MMP16: variants seen among roughly 807,000 people sequenced by gnomAD.
MMP16 encodes matrix metallopeptidase 16, also known as matrix metalloproteinase-16.
MMP16 carries 12 observed loss-of-function variants against 67.8 expected under a neutral mutation model. The ratio of observed to expected loss-of-function variants is 0.18; its 90% confidence interval spans 0.11 to 0.29. The LOEUF is 0.29. MMP16 is among the 10% of genes least tolerant of loss of function. The pLI is 1.00. For synonymous variants in MMP16, 249 were observed against 255.9 expected, an observed-to-expected ratio of 0.97 and a Z score of 0.26; for missense variants, 475 against 765.7, an observed-to-expected ratio of 0.62 and a Z score of 4.48.
chr8:88,181,059 A>G (rs922729471), intron 3 of MMP16, among the ~76,000 whole-genome samples: 2 of 152,168 alleles, frequency 1.3e-5, no homozygotes, highest in Non-Finnish European at 2.9e-5. Flanking sequence ...AACATCTAGT[A>G]AAGAATCTAC....
rs1554578643 is a variant in MMP16 at position 88,112,666 on chromosome 8, G to GGGGTGTGTGTGTGTGTGTGTGT, written c.1083+3840_1083+3841insACACACACACACACACACACCC. ...AATTTTTCATGCATAAGGACAGAAG[G>GGGGTGTGTGTGTGTGTGTGTGT]GTGTGTGTGTGTGTGTGTCTGTGTG... On this transcript the variant is annotated intron_variant, in intron 6 of 9. Coordinates refer to ENST00000286614, the MANE Select transcript of MMP16 (RefSeq NM_005941.5). Among the ~76,000 whole-genome samples the GGGGTGTGTGTGTGTGTGTGTGT allele has an allele frequency of 1.4e-3, 203 of 146,904 alleles. 1 individual carries two copies. The highest frequency in any genetic ancestry group is 2.4e-3 in the East Asian group (12 of 4,938).
At position 88,054,807 on chromosome 8, in the gene MMP16, G is replaced by A. The variant is rs188279135; in HGVS notation, c.1373+1321C>T. Among the ~76,000 whole-genome samples the A allele has an allele frequency of 1.1e-4, 17 of 152,146 alleles. No homozygotes were observed. The East Asian group carries it at 1.5e-3, about 14-fold the overall frequency. On this transcript the variant is annotated intron_variant, in intron 8 of 9. Transcript: ENST00000286614. ...TTGGAATTAAAAATTGTAAATTTCC[G>A]AATAAACAAAGTTTGTAGCCTTACT...
chr8:88,249,104 T>A (rs753672704), intron 1 of MMP16, among the ~76,000 whole-genome samples: 1 of 151,566 alleles, frequency 6.6e-6, no homozygotes, highest in Non-Finnish European at 1.5e-5. Context: ...CAGAGAGGCA[T>A]AGGGGACACT....
chr8:88,163,873 T>C (rs1563551043), intron 4 of MMP16, among the ~76,000 whole-genome samples: 1 of 152,096 alleles, frequency 6.6e-6, no homozygotes, highest in Non-Finnish European at 1.5e-5. Flanking sequence ...TGTTAACTGT[T>C]TTGCTGATTC....
chr8:88,097,297 T>G (rs1809045011), intron 6 of MMP16, among the ~76,000 whole-genome samples: 1 of 151,868 alleles, frequency 6.6e-6, no homozygotes, highest in South Asian at 2.1e-4. Flanking sequence ...ATCTTTTCTA[T>G]GTACAGATTC....
chr8:88,187,373 C>T, intron 2 of MMP16, among the ~76,000 whole-genome samples: 1 of 152,128 alleles, frequency 6.6e-6, no homozygotes, highest in East Asian at 1.9e-4. Flanking sequence ...GTCACATTTT[C>T]TATCTATTCT....
chr8:88,299,530 C>T (rs547675713), intron 1 of MMP16, among the ~76,000 whole-genome samples: 1 of 152,170 alleles, frequency 6.6e-6, no homozygotes, highest in African/African-American at 2.4e-5. Context: ...AAATACAAAA[C>T]ATAAAAGTGG....
rs149865367 is a variant in MMP16, at chr8:88,252,207, C to T, written c.133-54901G>A. On this transcript the variant is annotated intron_variant, in intron 1 of 9. Transcript: ENST00000286614. The stretch of plus-strand genomic sequence containing the variant: ...GACACATGCACACGTATGTTTATTG[C>T]GGCATTATTCACAATAGCAAAGACT... 9.9e-3 allele frequency among the ~76,000 whole-genome samples: 1,500 copies of T among 151,492 alleles called. 22 individuals carry two copies. Among genetic ancestry groups the T allele is most frequent in the African/African-American group, 0.034 (1,400 of 41,284 alleles).
intron 1 of MMP16, among the ~76,000 whole-genome samples, chr8:88,271,568 A>T (rs1037776483): frequency 1.3e-5 from 2 of 152,144 alleles, no homozygotes; most frequent in African/African-American, 4.8e-5. Context: ...ATCTTGGCTC[A>T]CTGCAACCTC....
At chr8:88,076,860 A>G (rs1278406833) in intron 6 of MMP16, among the ~76,000 whole-genome samples, 4 of 152,128 alleles carry the variant, frequency 2.6e-5, no homozygotes, top group African/African-American at 9.7e-5. Flanking sequence ...TGAAACAGAA[A>G]GCTCTCCAAG....
At chr8:88,197,446 G>A (rs1455511562) in intron 1 of MMP16, 140 bp from the exon 2 acceptor site, 1 of 623,178 alleles carries the variant, frequency 1.6e-6, no homozygotes, top group African/African-American at 1.9e-5. Flanking sequence ...TGATCTTTTT[G>A]TAATATATAT....
intron 3 of MMP16, among the ~76,000 whole-genome samples, chr8:88,173,505 C>T (rs960948674): frequency 6.6e-5 from 10 of 151,908 alleles, no homozygotes; most frequent in African/African-American, 1.9e-4. Flanking sequence ...CTCCTTTACT[C>T]AATTAAATAG....
intron 1 of MMP16, among the ~76,000 whole-genome samples, chr8:88,324,329 G>A (rs1168053721): frequency 6.6e-6 from 1 of 152,014 alleles, no homozygotes; most frequent in Non-Finnish European, 1.5e-5. Flanking sequence ...TTAAAAATCA[G>A]ACAGGAAAGA....
chr8:88,122,194 T>C (rs1807851298), intron 4 of MMP16, among the ~76,000 whole-genome samples: 1 of 152,120 alleles, frequency 6.6e-6, no homozygotes, highest in Non-Finnish European at 1.5e-5. Flanking sequence ...CAGTTTCCCC[T>C]AGTGTTGTAG....
chr8:88,158,151 T>C (rs1808547309), intron 4 of MMP16, among the ~76,000 whole-genome samples: 2 of 152,192 alleles, frequency 1.3e-5, no homozygotes, highest in Admixed American at 6.5e-5. Context: ...TGTGTCTTTA[T>C]AGCAGCATGA....
chr8:88,256,474 G>A (rs1393090540), intron 1 of MMP16, among the ~76,000 whole-genome samples: 3 of 152,012 alleles, frequency 2.0e-5, no homozygotes, highest in African/African-American at 7.3e-5. Flanking sequence ...GTTGTCTAGT[G>A]TAAAATACTG....
chr8:88,094,949 C>T (rs1309430353), intron 6 of MMP16, among the ~76,000 whole-genome samples: 1 of 151,798 alleles, frequency 6.6e-6, no homozygotes, highest in Non-Finnish European at 1.5e-5. Flanking sequence ...TTTGGCCTTC[C>T]TAACCACTTT....
At chr8:88,277,699 T>G (rs1334193349) in intron 1 of MMP16, among the ~76,000 whole-genome samples, 1 of 152,208 alleles carries the variant, frequency 6.6e-6, no homozygotes, top group African/African-American at 2.4e-5. Context: ...GGATGCTGTA[T>G]TTGACAAGGA....
chr8:88,260,356 A>G (rs182294017), intron 1 of MMP16, among the ~76,000 whole-genome samples: 136 of 151,364 alleles, frequency 9.0e-4, no homozygotes, highest in Non-Finnish European at 1.6e-3. Flanking sequence ...AACATAAGGC[A>G]AAAAACACTT....
Sources: allele counts gnomAD v4.1 joint callset (sites outside exome capture counted in the v4.1 genomes callset), GRCh38; gene constraint gnomAD v4.1.1; transcripts MANE v1.5; gene names NCBI Gene and HGNC (gene_info 2026-07-23, HGNC 2026-07-21).